The following CDH22 variants were observed in gnomAD, a reference collection of about 807,000 sequenced individuals.
CDH22 encodes the protein cadherin 22, also known as cadherin-22.
In CDH22, 30 loss-of-function variants were observed where a neutral mutation model predicts 58.4. That is an observed-to-expected ratio of 0.51 (90% confidence interval 0.38 to 0.70). The LOEUF is 0.70. Ranked by LOEUF, CDH22 falls within the 30% of genes least tolerant of loss-of-function variation. The probability of loss-of-function intolerance (pLI) is 0.00; values close to 1 mark genes in which losing one functional copy is unlikely to be tolerated. For missense variants in CDH22, 1,014 were observed against 1,233.9 expected (o/e 0.82, Z 2.67); for synonymous variants, 513 against 558.2 (o/e 0.92, Z 1.14).
chr20:46,271,697 A>G (rs62214487), intron 1 of CDH22, among the ~76,000 whole-genome samples: 5 of 152,146 alleles, frequency 3.3e-5, no homozygotes, highest in Non-Finnish European at 5.9e-5. Context: ...TTTAGAATAT[A>G]AAACTAAAGA....
chr20:46,304,051 G>A (rs1230666875), intron 1 of CDH22, among the ~76,000 whole-genome samples: 1 of 152,142 alleles, frequency 6.6e-6, no homozygotes, highest in Non-Finnish European at 1.5e-5. Flanking sequence ...AAATGAATCT[G>A]TGGGACTCTA....
intron 1 of CDH22, among the ~76,000 whole-genome samples, chr20:46,307,234 G>A (rs1430773704): frequency 6.6e-6 from 1 of 152,256 alleles, no homozygotes; most frequent in Non-Finnish European, 1.5e-5. Flanking sequence ...CCACAAGGGG[G>A]TGCCCTGCAC....
At chr20:46,175,839 A>G (rs895371776) in intron 11 of CDH22, among the ~76,000 whole-genome samples, 61 of 152,336 alleles carry the variant, frequency 4.0e-4, no homozygotes, top group Middle Eastern at 3.4e-3. Context: ...CAGCTCTGTC[A>G]TAGACCAGAC....
chr20:46,278,217 C>T (rs954528953), intron 1 of CDH22, among the ~76,000 whole-genome samples: 1 of 152,194 alleles, frequency 6.6e-6, no homozygotes, highest in Admixed American at 6.5e-5. Context: ...TGGGGGCAGT[C>T]CCCAGCTTTG....
Position 46,277,643 on chromosome 20 carries a change from G to T in CDH22, c.-399-25950C>A, listed in dbSNP as rs188900080. Among the ~76,000 whole-genome samples the T allele has an allele frequency of 3.1e-3, 471 of 152,196 alleles. 3 individuals are homozygous for T. In the Middle Eastern group the frequency reaches 0.041, roughly 13 times the overall value. On this transcript the variant is annotated intron_variant, in intron 1 of 11. Coordinates refer to ENST00000537909, the MANE Select transcript of CDH22 (RefSeq NM_021248.3). ...GAGAGTGGGGTGGAGGAAATCAGAGGGGGGTGAGTTTGGAGGAGGGCCCGC... is the reference window on the plus strand; with the variant it reads ...GAGAGTGGGGTGGAGGAAATCAGAGTGGGGTGAGTTTGGAGGAGGGCCCGC...
chr20:46,275,009 T>C (rs540212580), intron 1 of CDH22, among the ~76,000 whole-genome samples: 17 of 152,228 alleles, frequency 1.1e-4, no homozygotes, highest in Non-Finnish European at 2.4e-4. Flanking sequence ...GTTCTGCAAC[T>C]GCGTGGTGGT....
At chr20:46,303,896 C>T (rs1483316922) in intron 1 of CDH22, among the ~76,000 whole-genome samples, 2 of 152,096 alleles carry the variant, frequency 1.3e-5, no homozygotes, top group Non-Finnish European at 2.9e-5. Flanking sequence ...CTCTGGTTGC[C>T]GCAGGGGTTG....
intron 10 of CDH22, among the ~76,000 whole-genome samples, chr20:46,182,985 T>C (rs2085799899): frequency 1.3e-5 from 2 of 151,874 alleles, no homozygotes; most frequent in African/African-American, 4.8e-5. Flanking sequence ...TTACACCAGG[T>C]GGCACTCTGG....
At chr20:46,219,055 C>CAT (rs2086106237) in intron 4 of CDH22, among the ~76,000 whole-genome samples, 2 of 152,144 alleles carry the variant, frequency 1.3e-5, no homozygotes. Flanking sequence ...GGCTGTAGGG[C>CAT]GTGTGTGTAT....
rs150488776 is a variant in CDH22 at position 46,216,856 on chromosome 20, C to T, written c.808G>A (p.Val270Ile). The T allele has an allele frequency of 1.4e-5, 22 of 1,604,590 alleles. No homozygotes were observed. The highest frequency in any genetic ancestry group is 6.7e-5 in the African/African-American group (5 of 74,716). The part of the protein sequence containing the change: ...STTVTIVVTD[V>I]NDNPPRFPQK... ...GGGAAACGGGGCGGGTTGTCATTGA[C>T]GTCGGTGACTACGATGGTGACGGTA... Residue 270 changes from valine (V) to isoleucine (I), a missense_variant, in exon 5 of 12, where the codon GTC becomes ATC. By Grantham distance (29) the Val-to-Ile change is conservative. Around this residue, in one of 2 missense-constraint regions of CDH22, gnomAD observed 806 missense variants for 1,038.7 expected, o/e 0.78. Transcript: ENST00000537909. This position sits in a 1 kb window ranked among gnomAD's most constrained non-coding sequence, Gnocchi z 5.3.
chr20:46,264,160 T>C lies in CDH22; in HGVS notation c.-399-12467A>G, dbSNP rs12480769. On this transcript the variant is annotated intron_variant, in intron 1 of 11. Transcript: ENST00000537909. ...AGCCAGGCACTGTTCTAGCACTTTA[T>C]GTGCATTAGCTTATTTATTCCTCAC... Among the ~76,000 whole-genome samples the C allele has an allele frequency of 9.7e-3, 1,483 of 152,320 alleles. 14 individuals are homozygous for C. The highest frequency in any genetic ancestry group is 0.031 in the East Asian group (161 of 5,182).
At chr20:46,307,622 G>T (rs1249839249) in intron 1 of CDH22, among the ~76,000 whole-genome samples, 1 of 152,030 alleles carries the variant, frequency 6.6e-6, no homozygotes, top group Non-Finnish European at 1.5e-5. Flanking sequence ...GGCCGGCAGG[G>T]GTCCCTGTGG....
intron 8 of CDH22, among the ~76,000 whole-genome samples, chr20:46,191,419 G>A (rs544765770): frequency 4.6e-5 from 7 of 152,176 alleles, no homozygotes; most frequent in Non-Finnish European, 1.0e-4. Context: ...CTGAGTGGGC[G>A]TGGGGATGGG....
chr20:46,236,894 A>G (rs1016477989), intron 3 of CDH22, among the ~76,000 whole-genome samples: 3 of 152,058 alleles, frequency 2.0e-5, no homozygotes, highest in Admixed American at 6.6e-5. Flanking sequence ...GGGTTTCACC[A>G]TGTTGCCCAG....
rs2086036376 is a variant in CDH22, at chr20:46,210,607, CA to C, written c.1033-48del. On this transcript the variant is annotated intron_variant, in intron 6 of 11. Transcript: ENST00000537909. The surrounding 1 kb of genome is among the most constrained non-coding windows in gnomAD (Gnocchi z 4.5). ...CGGTTAGTGGGTGGGGTCTGGTGGACACTGAGGCCTTCACGAGGGAGGCCAA... is the reference window on the plus strand; with the variant it reads ...CGGTTAGTGGGTGGGGTCTGGTGGACCTGAGGCCTTCACGAGGGAGGCCAA... 7.1e-7 allele frequency: 1 copy of C among 1,400,548 alleles called. No individual in the cohort carries two copies. Among genetic ancestry groups the C allele is most frequent in the Non-Finnish European group, 9.3e-7 (1 of 1,070,910 alleles). The allele number at this position is 1,400,548 out of a possible 1,614,324, so 86.8% of individuals were successfully genotyped here.
chr20:46,238,244 C>T lies in CDH22; in HGVS notation c.550+2719G>A, dbSNP rs2086267482. Among the ~76,000 whole-genome samples the T allele has an allele frequency of 3.9e-5, 6 of 152,266 alleles. No homozygotes were observed. In the South Asian group the frequency reaches 1.2e-3, roughly 32 times the overall value. ...CTTTTTAATGCAGAAATGTGCAGGT[C>T]AGTTTTAAGTGAAGGGAGACAGGGC... On this transcript the variant is annotated intron_variant, in intron 3 of 11. Transcript: ENST00000537909.
In CDH22 at chr20:46,178,158, T is replaced by C; in HGVS notation, c.1703A>G (p.Asn568Ser). ...AAVHTQHVGF[N>S]RQEQDVFFLP... ...GAAGAACACGTCCTGCTCCTGCCGGTTGAAGCCCACGTGCTGCGTGTGCAC... is the reference window on the plus strand; with the variant it reads ...GAAGAACACGTCCTGCTCCTGCCGGCTGAAGCCCACGTGCTGCGTGTGCAC... Residue 568 changes from asparagine to serine, a missense_variant, in exon 11 of 12, where the codon AAC becomes AGC. Asn to Ser is a conservative substitution (Grantham distance 46). Coordinates refer to ENST00000537909, the MANE Select transcript of CDH22 (RefSeq NM_021248.3). 6.2e-7 allele frequency: 1 copy of C among 1,614,048 alleles called. No homozygotes were observed. Among genetic ancestry groups the C allele is most frequent in the Non-Finnish European group, 8.5e-7 (1 of 1,179,996 alleles).
At chr20:46,280,437 A>C (rs1600725602) in intron 1 of CDH22, among the ~76,000 whole-genome samples, 1 of 152,044 alleles carries the variant, frequency 6.6e-6, no homozygotes, top group East Asian at 1.9e-4. Flanking sequence ...AACAACAACA[A>C]CACCTTTTAA....
chr20:46,305,261 G>A (rs1322440094), intron 1 of CDH22, among the ~76,000 whole-genome samples: 1 of 152,214 alleles, frequency 6.6e-6, no homozygotes, highest in South Asian at 2.1e-4. Flanking sequence ...CTGTCCTCGT[G>A]GTGAAATATC....
Sources: allele counts gnomAD v4.1 joint callset (sites outside exome capture counted in the v4.1 genomes callset), GRCh38; gene constraint gnomAD v4.1.1; regional missense constraint gnomAD v4.1.1; non-coding constraint Gnocchi (gnomAD v3.1); transcripts MANE v1.5; gene names NCBI Gene and HGNC (gene_info 2026-07-23, HGNC 2026-07-21).